Variants in LAMC1 observed in about 807,000 individuals in gnomAD.
The protein encoded by LAMC1 is laminin subunit gamma 1.
In LAMC1, 38 loss-of-function variants were observed where a neutral mutation model predicts 173.6. The ratio of observed to expected loss-of-function variants is 0.22; its 90% CI spans 0.17 to 0.29. LAMC1 has a LOEUF of 0.29. LAMC1 is among the 10% of genes least tolerant of loss of function. LAMC1 has a pLI of 1.00. For synonymous variants in LAMC1, 746 were observed against 749.1 expected, an observed-to-expected ratio of 1.00 and a Z score of 0.07; for missense variants, 1,824 against 2,051.8, an observed-to-expected ratio of 0.89 and a Z score of 2.14.
chr1:183,101,522 G>A (rs1052820469), intron 1 of LAMC1, among the ~76,000 whole-genome samples: 9 of 151,522 alleles, frequency 5.9e-5, no homozygotes, highest in African/African-American at 1.9e-4. Context: ...TTATGTGAAC[G>A]TATTCAGAAT....
chr1:183,143,490 C>T lies in LAMC1; in HGVS notation c.*700C>T, dbSNP rs542311286. On this transcript the variant is annotated 3_prime_UTR_variant, in exon 28 of 28. Transcript: ENST00000258341. ...ATTAATAATTGACTAGGAAGATGAACTTTTTTTCAGATCTTTGGGCAGCTG... is the reference window on the plus strand; with the variant it reads ...ATTAATAATTGACTAGGAAGATGAATTTTTTTTCAGATCTTTGGGCAGCTG... 2.0e-5 allele frequency: 3 copies of T among 152,650 alleles called. No individual in the cohort carries two copies. In the South Asian group the frequency reaches 6.2e-4, roughly 32 times the overall value. The allele number at this position is 152,650 out of a possible 1,614,324, so 9.5% of individuals were successfully genotyped here. A position where few individuals can be genotyped will look rare whatever the true frequency, so the allele number is the denominator to read the frequency against.
intron 14 of LAMC1, 167 bp downstream of exon 14, chr1:183,125,043 A>AG (rs1656582216): frequency 1.2e-6 from 1 of 834,468 alleles, no homozygotes; most frequent in Non-Finnish European, 1.8e-6. Context: ...AGTATAAAGA[A>AG]GGACAGTCAT....
rs926931851 is a variant in LAMC1 at position 183,031,022 on chromosome 1, C to T, written c.418+6888C>T. 3.3e-5 allele frequency among the ~76,000 whole-genome samples: 5 copies of T among 152,104 alleles called. No homozygotes were observed. The East Asian group carries it at 7.7e-4, about 23-fold the overall frequency. On this transcript the variant is annotated intron_variant, in intron 1 of 27. Coordinates refer to ENST00000258341, the MANE Select transcript of LAMC1 (RefSeq NM_002293.4). The stretch of plus-strand genomic sequence containing the variant: ...ATTAAATAAATAAAATGTATATATT[C>T]ACATGTACATTGTTGAAATAGATTC...
chr1:183,104,733 GC>G (rs1416840564), intron 2 of LAMC1, among the ~76,000 whole-genome samples: 1 of 152,228 alleles, frequency 6.6e-6, no homozygotes, highest in East Asian at 1.9e-4. Context: ...GGGTTCAGTT[GC>G]CCCCCTTCCA....
In LAMC1 at chr1:183,144,132, C is replaced by G. The variant is rs1406504786; in HGVS notation, c.*1342C>G. 7 of 152,578 alleles carry G rather than the reference C, an allele frequency of 4.6e-5. No individual in the cohort carries two copies. Among genetic ancestry groups the G allele is most frequent in the African/African-American group, 1.7e-4 (7 of 41,420 alleles). The allele number at this position is 152,578 out of a possible 1,614,324, so 9.5% of individuals were successfully genotyped here. ...ACCACAGTGTGACAGTTCCCTGCCA[C>G]ACACCCCCTTCCTCCTACCAACCCA... On this transcript the variant is annotated 3_prime_UTR_variant, in exon 28 of 28. Coordinates refer to ENST00000258341, the MANE Select transcript of LAMC1 (RefSeq NM_002293.4).
intron 4 of LAMC1, among the ~76,000 whole-genome samples, chr1:183,111,279 G>T (rs1054262431): frequency 5.9e-5 from 9 of 151,958 alleles, no homozygotes; most frequent in Admixed American, 2.6e-4. Context: ...TAGAGACGGG[G>T]TTTCACCATG....
intron 21 of LAMC1, 46 bp from the exon 22 acceptor site, chr1:183,133,360 T>C (rs186162253): frequency 2.8e-5 from 44 of 1,555,164 alleles, no homozygotes; most frequent in Non-Finnish European, 3.5e-5. Context: ...ATTAAGATGC[T>C]AAAAGCAGCT....
intron 1 of LAMC1, among the ~76,000 whole-genome samples, chr1:183,040,321 C>A (rs1332507863): frequency 1.3e-5 from 2 of 152,070 alleles, no homozygotes; most frequent in African/African-American, 4.8e-5. Flanking sequence ...TTTGAACACC[C>A]AAGTGTGTGG....
chr1:183,080,009 C>G (rs1376777949), intron 1 of LAMC1, among the ~76,000 whole-genome samples: 1 of 151,918 alleles, frequency 6.6e-6, no homozygotes, highest in African/African-American at 2.4e-5. Flanking sequence ...TTTGAGGAGC[C>G]GAGATGGGTG....
intron 6 of LAMC1, among the ~76,000 whole-genome samples, 175 bp from the exon 7 acceptor site, chr1:183,116,402 T>C (rs1313572267): frequency 6.7e-6 from 1 of 150,050 alleles, no homozygotes; most frequent in East Asian, 2.0e-4. Context: ...TCTTGAACCC[T>C]GGAGGCGGAG....
chr1:183,131,262 C>G, intron 19 of LAMC1, 37 bp from the exon 20 acceptor site: 1 of 1,480,596 alleles, frequency 6.8e-7, no homozygotes, highest in African/African-American at 1.4e-5. Flanking sequence ...GTAAATAATT[C>G]AGTCCTTTGA....
chr1:183,106,617 T>C (rs1222776333), intron 2 of LAMC1, among the ~76,000 whole-genome samples: 1 of 152,138 alleles, frequency 6.6e-6, no homozygotes, highest in Non-Finnish European at 1.5e-5. Flanking sequence ...TGTTGTGCAG[T>C]CCCTAGGAAA....
intron 21 of LAMC1, 109 bp downstream of exon 21, chr1:183,132,646 A>G: frequency 2.5e-6 from 2 of 797,078 alleles, no homozygotes; most frequent in Non-Finnish European, 4.0e-6. Flanking sequence ...TTCATGCAGT[A>G]AGATTTCCTT....
At chr1:183,112,089 C>A (rs1452610198) in intron 4 of LAMC1, among the ~76,000 whole-genome samples, 1 of 152,114 alleles carries the variant, frequency 6.6e-6, no homozygotes, top group African/African-American at 2.4e-5. Flanking sequence ...CGAGAAGGGA[C>A]CACTATCTTA....
At chr1:183,064,976 G>A (rs775729845) in intron 1 of LAMC1, among the ~76,000 whole-genome samples, 1 of 151,982 alleles carries the variant, frequency 6.6e-6, no homozygotes, top group Non-Finnish European at 1.5e-5. Flanking sequence ...TTAACCTAAA[G>A]TGCACATATT....
chr1:183,121,962 A>G lies in LAMC1; in HGVS notation c.2212+18A>G. On this transcript the variant is annotated intron_variant, in intron 12 of 27. Transcript: ENST00000258341. ...TGAGACAGGTGAGATGATCTTTGGCAGCTCTTAGACCTAACTTCTCTTTAG... is the reference window on the plus strand; with the variant it reads ...TGAGACAGGTGAGATGATCTTTGGCGGCTCTTAGACCTAACTTCTCTTTAG... 1 of 1,612,760 alleles carries G rather than the reference A, an allele frequency of 6.2e-7. No individual in the cohort carries two copies. Among genetic ancestry groups the G allele is most frequent in the East Asian group, 2.2e-5 (1 of 44,854 alleles).
chr1:183,115,564 A>G lies in LAMC1; in HGVS notation c.1255A>G (p.Lys419Glu). 1.2e-6 allele frequency: 2 copies of G among 1,614,116 alleles called. No homozygotes were observed. The highest frequency in any genetic ancestry group is 1.7e-6 in the Non-Finnish European group (2 of 1,179,972). Residue 419 changes from lysine to glutamate, a missense_variant, in exon 6 of 28, where the codon AAG (lysine) becomes GAG (glutamate). By Grantham distance (56) the Lys-to-Glu change is moderately conservative. Transcript: ENST00000258341. ...TGATAGTTACGGCAGATGCAGCTGT[A>G]AGCCAGGAGTGATGGGGGACAAATG... is the stretch of plus-strand genomic sequence containing the variant. ...QCDSYGRCSCKPGVMGDKCDR... is the reference protein window; with the variant it reads ...QCDSYGRCSCEPGVMGDKCDR...
At chr1:183,088,384 A>G (rs1054115686) in intron 1 of LAMC1, among the ~76,000 whole-genome samples, 6 of 152,220 alleles carry the variant, frequency 3.9e-5, no homozygotes, top group Non-Finnish European at 7.3e-5. Flanking sequence ...ACAGCTCCCT[A>G]ATGTCATAAA....
intron 1 of LAMC1, among the ~76,000 whole-genome samples, chr1:183,066,367 T>C (rs1200996851): frequency 6.6e-6 from 1 of 152,190 alleles, no homozygotes. Context: ...GGAGTGTAAA[T>C]TAGTTCAACC....
Sources: allele counts gnomAD v4.1 joint callset (sites outside exome capture counted in the v4.1 genomes callset), GRCh38; gene constraint gnomAD v4.1.1; transcripts MANE v1.5; gene names NCBI Gene and HGNC (gene_info 2026-07-23, HGNC 2026-07-21).